Variants in RYR2 observed in about 807,000 individuals in gnomAD.
RYR2 encodes ryanodine receptor 2, also known as cardiac muscle ryanodine receptor-calcium release channel.
RYR2 carries 227 observed loss-of-function variants against 601.1 expected under a neutral mutation model. The observed-to-expected ratio is 0.38, with a 90% CI of 0.34 to 0.42. The LOEUF is 0.42. Among genes scored for constraint, RYR2 ranks in the 10% least tolerant of loss-of-function variants. The pLI is 1.00. For missense variants in RYR2, 4,646 were observed against 6,156.5 expected (o/e 0.75, Z 8.21); for synonymous variants, 2,223 against 2,175.1 (o/e 1.02, Z -0.61).
intron 17 of RYR2, among the ~76,000 whole-genome samples, chr1:237,481,872 G>GAACTAGCT (rs991404732): frequency 2.0e-5 from 3 of 148,242 alleles, no homozygotes; most frequent in Non-Finnish European, 4.4e-5. Context: ...TGCCAACATG[G>GAACTAGCT]AACTAGCTAG....
At chr1:237,220,093 A>G (rs10802591) in intron 1 of RYR2, among the ~76,000 whole-genome samples, 64,395 of 152,056 alleles carry the variant, frequency 0.42, 13,921 homozygotes, top group East Asian at 0.6. Flanking sequence ...CTGGATTGAC[A>G]GATGCCTGGA....
Position 237,566,576 on chromosome 1 carries a change from C to A in RYR2, c.3224C>A (p.Ala1075Asp). ...EAPDQDHAAR[A>D]EVCSGTGERF... ...TCTGTCCATTTCCCAGCAGCCAGAG[C>A]CGAAGTGTGCAGCGGCACCGGGGAA... Residue 1075 changes from alanine to aspartate, a missense_variant, in exon 28 of 105, where the codon GCC (alanine) becomes GAC (aspartate). Physicochemically the swap from Ala to Asp is moderately radical, Grantham distance 126. Transcript: ENST00000366574. 6.2e-7 allele frequency: 1 copy of A among 1,613,656 alleles called. No homozygotes were observed.
chr1:237,744,925 T>C (rs1026248252), intron 80 of RYR2, among the ~76,000 whole-genome samples: 2 of 151,058 alleles, frequency 1.3e-5, no homozygotes, highest in African/African-American at 4.9e-5. Flanking sequence ...GCCTCCCGAG[T>C]AGCTAGGACT....
rs1007051755 is a variant in RYR2 at position 237,833,283 on chromosome 1, A to AG, written c.*636_*637insG. 4.6e-5 allele frequency: 5 copies of AG among 107,634 alleles called. No homozygotes were observed. The highest frequency in any genetic ancestry group is 3.8e-4 in the African/African-American group (5 of 13,008). The allele number at this position is 107,634 out of a possible 1,614,324, so 6.7% of individuals were successfully genotyped here. ...GAAAAGCAGTTTGCACTTAAAAAGA[A>AG]AAAAAAAAAACGGGTGGTGTGTCTC... is the stretch of plus-strand genomic sequence containing the variant. On this transcript the variant is annotated 3_prime_UTR_variant, in exon 105 of 105. Coordinates refer to ENST00000366574, the MANE Select transcript of RYR2 (RefSeq NM_001035.3).
intron 97 of RYR2, among the ~76,000 whole-genome samples, chr1:237,800,972 C>T (rs1242458772): frequency 6.6e-6 from 1 of 151,912 alleles, no homozygotes; most frequent in African/African-American, 2.4e-5. Flanking sequence ...GCTATGAGAA[C>T]TGAGGGGAAG....
intron 24 of RYR2, among the ~76,000 whole-genome samples, chr1:237,513,871 G>GTA (rs1173414949): frequency 1.3e-5 from 2 of 152,178 alleles, no homozygotes; most frequent in African/African-American, 4.8e-5. Context: ...GTTAAGTGAT[G>GTA]TATAACTCTA....
intron 29 of RYR2, among the ~76,000 whole-genome samples, chr1:237,582,238 G>T (rs891795321): frequency 2.0e-5 from 3 of 151,580 alleles, no homozygotes; most frequent in East Asian, 3.9e-4. Flanking sequence ...GAGTAGCTGG[G>T]ATTACAGGCA....
At chr1:237,154,182 T>C (rs1415516596) in intron 1 of RYR2, among the ~76,000 whole-genome samples, 1 of 152,246 alleles carries the variant, frequency 6.6e-6, no homozygotes. Flanking sequence ...GTAGTTTTTA[T>C]GCAAATAAGA....
chr1:237,686,243 G>T lies in RYR2; in HGVS notation c.9018-1212G>T, dbSNP rs1385721502. Among the ~76,000 whole-genome samples the T allele has an allele frequency of 2.6e-5, 4 of 152,198 alleles. No homozygotes were observed. In the East Asian group the frequency reaches 7.7e-4, roughly 29 times the overall value. On this transcript the variant is annotated intron_variant, in intron 62 of 104. Coordinates refer to ENST00000366574, the MANE Select transcript of RYR2 (RefSeq NM_001035.3). ...GAGTGTGGGTGGTACTATACACATG[G>T]ATCTTCAAGGTTAGATTTTCTGGGG...
intron 96 of RYR2, 131 bp downstream of exon 96, chr1:237,795,462 T>TA (rs890288263): frequency 1.1e-4 from 54 of 509,000 alleles, no homozygotes; most frequent in Middle Eastern, 1.0e-3. Flanking sequence ...TTTTTTTTTT[T>TA]AATTTTTGAG....
chr1:237,094,498 A>T (rs1268976907), intron 1 of RYR2, among the ~76,000 whole-genome samples: 1 of 151,888 alleles, frequency 6.6e-6, no homozygotes, highest in Admixed American at 6.6e-5. Context: ...ATAAATATTG[A>T]TGGACAGAAG....
intron 1 of RYR2, among the ~76,000 whole-genome samples, chr1:237,212,745 A>C (rs1682727440): frequency 6.6e-6 from 1 of 151,982 alleles, no homozygotes; most frequent in African/African-American, 2.4e-5. Context: ...AATAATGCTC[A>C]TTTTCCTGCG....
intron 10 of RYR2, among the ~76,000 whole-genome samples, chr1:237,411,869 A>T (rs1704492542): frequency 6.6e-6 from 1 of 152,190 alleles, no homozygotes; most frequent in African/African-American, 2.4e-5. Flanking sequence ...GGCAGCACTC[A>T]CAATGAAAGG....
At chr1:237,451,655 A>G (rs905054674) in intron 14 of RYR2, among the ~76,000 whole-genome samples, 2 of 151,798 alleles carry the variant, frequency 1.3e-5, no homozygotes, top group African/African-American at 2.4e-5. Flanking sequence ...GAAAAGTTTT[A>G]CATGATTACT....
intron 76 of RYR2, 113 bp downstream of exon 76, chr1:237,727,312 AG>A: frequency 2.2e-6 from 1 of 453,646 alleles, no homozygotes; most frequent in Non-Finnish European, 3.9e-6. Context: ...AGGATGGAAA[AG>A]CTTTATTGAT....
chr1:237,616,027 T>G (rs1678422888), intron 37 of RYR2, among the ~76,000 whole-genome samples: 1 of 151,520 alleles, frequency 6.6e-6, no homozygotes, highest in Admixed American at 6.6e-5. Context: ...GGTAGGAAAA[T>G]CGATAAGGGA....
chr1:237,798,743 A>G (rs1659581702), intron 97 of RYR2, among the ~76,000 whole-genome samples: 2 of 151,894 alleles, frequency 1.3e-5, no homozygotes, highest in Non-Finnish European at 2.9e-5. Flanking sequence ...ATGTTTCTAA[A>G]CCAGTTGAGT....
chr1:237,274,192 TATG>T (rs1690024697), intron 2 of RYR2, among the ~76,000 whole-genome samples: 1 of 150,614 alleles, frequency 6.6e-6, no homozygotes, highest in South Asian at 2.1e-4. Flanking sequence ...ACATATTATA[TATG>T]ATATGTATAT....
At chr1:237,319,016 T>G (rs927539174) in intron 2 of RYR2, among the ~76,000 whole-genome samples, 1 of 152,180 alleles carries the variant, frequency 6.6e-6, no homozygotes, top group African/African-American at 2.4e-5. Flanking sequence ...AATGATTTTT[T>G]TTTCTGTGTA....
Sources: allele counts gnomAD v4.1 joint callset (sites outside exome capture counted in the v4.1 genomes callset), GRCh38; gene constraint gnomAD v4.1.1; transcripts MANE v1.5; gene names NCBI Gene and HGNC (gene_info 2026-07-23, HGNC 2026-07-21).